SLC26A11: variants seen among roughly 807,000 people sequenced by gnomAD.
SLC26A11 encodes the protein solute carrier family 26 member 11.
Under a neutral mutation model 62.2 loss-of-function variants are expected in SLC26A11, and 58 were observed. That is an observed-to-expected ratio of 0.93 (90% CI 0.76 to 1.16). The LOEUF (loss-of-function observed/expected upper bound fraction) is 1.16. Ranked by LOEUF, SLC26A11 falls within the 50% of genes most tolerant of loss-of-function variation. The pLI, the probability that SLC26A11 is intolerant of heterozygous loss-of-function variation, is 0.00. For missense variants in SLC26A11, 790 were observed against 794.3 expected (o/e 0.99, Z 0.06); for synonymous variants, 411 against 368.9 (o/e 1.11, Z -1.31).
In SLC26A11 at chr17:80,221,580, C is replaced by A; in HGVS notation, c.20C>A (p.Ala7Glu). 1.3e-6 allele frequency: 2 copies of A among 1,599,882 alleles called. No individual in the cohort carries two copies. Among genetic ancestry groups the A allele is most frequent in the Non-Finnish European group, 1.7e-6 (2 of 1,177,222 alleles). ...GTAGAGATGCCTTCTTCGGTGACGGCGCTGGGTCAGGCCAGGTCCTCTGGC... is the reference window on the plus strand; with the variant it reads ...GTAGAGATGCCTTCTTCGGTGACGGAGCTGGGTCAGGCCAGGTCCTCTGGC... MPSSVT[A>E]LGQARSSGPG... The change falls in exon 3 of 18, where the codon GCG (alanine) becomes GAG (glutamate). Residue 7 changes from alanine (A) to glutamate (E), a missense_variant. Ala to Glu is a moderately radical substitution (Grantham distance 107). Transcript: ENST00000361193.
In SLC26A11 at chr17:80,221,659, G is replaced by A. The variant is rs768641516; in HGVS notation, c.99G>A (p.Arg33=). 7.6e-5 allele frequency: 123 copies of A among 1,612,836 alleles called. No homozygotes were observed. In the South Asian group the frequency reaches 1.1e-3, roughly 14 times the overall value. The part of the protein sequence containing the change: ...CCCSPAALQR[R]LPILAWLPSY... ...GCTCCCCTGCGGCCCTGCAGAGGAG[G>A]CTGCCCATCCTGGCGTGGCTGCCCA... Residue 33 remains arginine (R), a synonymous_variant, in exon 3 of 18, where the codon AGG becomes AGA. Transcript: ENST00000361193.
chr17:80,221,488 T>C (rs2042187697), intron 2 of SLC26A11, 60 bp from the exon 3 acceptor site: 1 of 1,270,824 alleles, frequency 7.9e-7, no homozygotes, highest in African/African-American at 1.5e-5. Flanking sequence ...CTGACCAGTG[T>C]TGCCGGGTTC....
Position 80,222,648 on chromosome 17 carries a change from C to T in SLC26A11, c.235-7C>T. The T allele has an allele frequency of 6.2e-7, 1 of 1,612,928 alleles. No homozygotes were observed. Among genetic ancestry groups the T allele is most frequent in the Non-Finnish European group, 8.5e-7 (1 of 1,179,224 alleles). On this transcript the variant is annotated splice_polypyrimidine_tract_variant and splice_region_variant and intron_variant, in intron 3 of 17. Coordinates refer to ENST00000361193, the MANE Select transcript of SLC26A11 (RefSeq NM_001166347.2). The surrounding 1 kb of genome is among the most constrained non-coding windows in gnomAD (Gnocchi z 4.7). ...TCCTGAGTGCTCACCACCCTCTCTC[C>T]CCACAGTATGGCCTCTACTCTGCCT...
At chr17:80,249,611 AAG>A (rs1846224957) in intron 16 of SLC26A11, among the ~76,000 whole-genome samples, 1 of 152,192 alleles carries the variant, frequency 6.6e-6, no homozygotes, top group Non-Finnish European at 1.5e-5. Context: ...AGGAAACAAA[AAG>A]AGACAGGTGA....
chr17:80,248,810 G>A, intron 15 of SLC26A11, 136 bp downstream of exon 15: 2 of 907,934 alleles, frequency 2.2e-6, no homozygotes, highest in Non-Finnish European at 3.3e-6. Context: ...TGAGTGGGCT[G>A]GACCGTCCTC....
chr17:80,222,052 C>T lies in SLC26A11; in HGVS notation c.234+258C>T. On this transcript the variant is annotated intron_variant, in intron 3 of 17. Transcript: ENST00000361193. This position sits in a 1 kb window ranked among gnomAD's most constrained non-coding sequence, Gnocchi z 4.7. Reference sequence around the variant, plus strand: ...CCTCAGGAGTTCAAGACCAGCCCGACCAAAATGGTGAAACCCCGTCTCCAC... The same window carrying T: ...CCTCAGGAGTTCAAGACCAGCCCGATCAAAATGGTGAAACCCCGTCTCCAC... 2.2e-6 allele frequency: 1 copy of T among 460,680 alleles called. No individual in the cohort carries two copies. The highest frequency in any genetic ancestry group is 3.8e-6 in the Non-Finnish European group (1 of 263,578). 28.5% of individuals were successfully genotyped at this position (460,680 alleles called of 1,614,324 possible).
intron 6 of SLC26A11, 39 bp downstream of exon 6, chr17:80,225,955 CCTT>C (rs779955199): frequency 1.0e-4 from 159 of 1,569,524 alleles, no homozygotes; most frequent in Non-Finnish European, 1.3e-4. Flanking sequence ...TAAGGAAGCT[CCTT>C]CTTCCACACC....
intron 13 of SLC26A11, among the ~76,000 whole-genome samples, chr17:80,247,425 A>C (rs1419931811): frequency 6.6e-6 from 1 of 152,156 alleles, no homozygotes; most frequent in Non-Finnish European, 1.5e-5. Flanking sequence ...GCGGCCGGGC[A>C]GAGGCGCCCC....
At chr17:80,225,179 C>G (rs1174082091) in intron 5 of SLC26A11, among the ~76,000 whole-genome samples, 1 of 151,826 alleles carries the variant, frequency 6.6e-6, no homozygotes, top group African/African-American at 2.4e-5. Flanking sequence ...CACCCCCCAA[C>G]CCCCCGCCGC....
chr17:80,250,108 G>T (rs1329005090), intron 16 of SLC26A11, among the ~76,000 whole-genome samples: 2 of 152,174 alleles, frequency 1.3e-5, no homozygotes, highest in African/African-American at 4.8e-5. Flanking sequence ...CATCCCAGGG[G>T]TGTGGCCAGT....
chr17:80,221,222 A>C (rs956409746), intron 2 of SLC26A11, 107 bp downstream of exon 2: 21 of 279,758 alleles, frequency 7.5e-5, no homozygotes, highest in Non-Finnish European at 2.0e-5. Flanking sequence ...AGAAGTGTTG[A>C]GCCTAATTAG....
intron 7 of SLC26A11, among the ~76,000 whole-genome samples, chr17:80,229,422 G>T (rs1230539205): frequency 6.7e-6 from 1 of 149,720 alleles, no homozygotes; most frequent in African/African-American, 2.5e-5. Context: ...TGTTATCTTT[G>T]TTATCTTTTG....
chr17:80,231,141 C>CT (rs34366910), intron 7 of SLC26A11, among the ~76,000 whole-genome samples: 111 of 97,490 alleles, frequency 1.1e-3, no homozygotes, highest in Non-Finnish European at 1.9e-3. Flanking sequence ...TAACTTTATC[C>CT]TTTTTTTTTT....
chr17:80,244,596 C>G (rs2042947186), intron 10 of SLC26A11, among the ~76,000 whole-genome samples: 1 of 152,184 alleles, frequency 6.6e-6, no homozygotes, highest in Admixed American at 6.5e-5. Flanking sequence ...GATCCCAGCA[C>G]TTTGGGAGGC....
intron 3 of SLC26A11, chr17:80,222,000 A>AG: frequency 1.7e-6 from 1 of 581,820 alleles, no homozygotes; most frequent in Non-Finnish European, 2.9e-6. Flanking sequence ...CTGGTTATGG[A>AG]GGGGCCAGCG....
At chr17:80,236,730 G>T in intron 7 of SLC26A11, 198 bp from the exon 8 acceptor site, 1 of 597,004 alleles carries the variant, frequency 1.7e-6, no homozygotes, top group East Asian at 2.7e-5. Context: ...GCAGCCTGCA[G>T]CTCTGCCGTC....
At chr17:80,238,755 G>T (rs1009060290) in intron 9 of SLC26A11, among the ~76,000 whole-genome samples, 5 of 151,974 alleles carry the variant, frequency 3.3e-5, no homozygotes. Flanking sequence ...GGCTGTGCCA[G>T]GGTAAAGTTC....
At chr17:80,221,937 G>T (rs982718721) in intron 3 of SLC26A11, 143 bp downstream of exon 3, 1 of 864,914 alleles carries the variant, frequency 1.2e-6, no homozygotes, top group Middle Eastern at 2.5e-4. Flanking sequence ...GACGCAGATT[G>T]TCTCTGGGCC....
At chr17:80,224,524 G>A (rs1031788264) in intron 5 of SLC26A11, among the ~76,000 whole-genome samples, 5 of 152,154 alleles carry the variant, frequency 3.3e-5, no homozygotes, top group Non-Finnish European at 7.4e-5. Flanking sequence ...GCGAGGCACT[G>A]GGCAGGACAC....
Sources: allele counts gnomAD v4.1 joint callset (sites outside exome capture counted in the v4.1 genomes callset), GRCh38; gene constraint gnomAD v4.1.1; non-coding constraint Gnocchi (gnomAD v3.1); transcripts MANE v1.5; gene names NCBI Gene and HGNC (gene_info 2026-07-23, HGNC 2026-07-21).